PRICKLE2: variants seen among roughly 807,000 people sequenced by gnomAD.
PRICKLE2 encodes the protein prickle-like protein 2.
In PRICKLE2, 21 loss-of-function variants were observed where a neutral mutation model predicts 81.4. The ratio of observed to expected loss-of-function variants is 0.26; its 90% CI spans 0.18 to 0.37. The LOEUF is 0.37. Among genes scored for constraint, PRICKLE2 ranks in the 10% least tolerant of loss-of-function variants. The pLI is 1.00. For missense variants in PRICKLE2, 940 were observed against 1,109.0 expected, an observed-to-expected ratio of 0.85 and a Z score of 2.16; for synonymous variants, 456 against 421.5, an observed-to-expected ratio of 1.08 and a Z score of -1.00.
chr3:64,250,925 C>T (rs1465916949), intron 2 of PRICKLE2, among the ~76,000 whole-genome samples: 1 of 152,146 alleles, frequency 6.6e-6, no homozygotes, highest in Non-Finnish European at 1.5e-5. Flanking sequence ...TGTGGCCTTT[C>T]CTGACATTTT....
At chr3:64,139,596 C>A (rs563433056) in intron 7 of PRICKLE2, among the ~76,000 whole-genome samples, 1 of 152,306 alleles carries the variant, frequency 6.6e-6, no homozygotes, top group Admixed American at 6.5e-5. Context: ...GCCATCTTTT[C>A]AAAATGCAAA....
At chr3:64,171,527 A>G (rs2077931363) in intron 2 of PRICKLE2, among the ~76,000 whole-genome samples, 1 of 152,190 alleles carries the variant, frequency 6.6e-6, no homozygotes, top group Admixed American at 6.5e-5. Context: ...TTGTTTGTTG[A>G]CTTTCTCTTC....
intron 7 of PRICKLE2, among the ~76,000 whole-genome samples, chr3:64,139,838 G>C (rs1421906720): frequency 6.6e-6 from 1 of 152,152 alleles, no homozygotes; most frequent in African/African-American, 2.4e-5. Flanking sequence ...CTGCTGCCTA[G>C]AATGACCCTT....
At chr3:64,263,420 C>G (rs4688439) in intron 2 of PRICKLE2, among the ~76,000 whole-genome samples, 64,603 of 152,008 alleles carry the variant, frequency 0.42, 14,269 homozygotes, top group South Asian at 0.49. Context: ...GCCCCAAAGA[C>G]TAGGAGAAAT....
intron 1 of PRICKLE2, chr3:64,200,101 C>CAA (rs1255417141): frequency 6.6e-6 from 1 of 152,156 alleles, no homozygotes; most frequent in Non-Finnish European, 1.5e-5. Flanking sequence ...AAAGAAACCC[C>CAA]AGGAGCATTG....
chr3:64,189,301 G>A (rs2078291199), intron 2 of PRICKLE2, among the ~76,000 whole-genome samples: 1 of 152,164 alleles, frequency 6.6e-6, no homozygotes. Context: ...TGGAGGTGGG[G>A]AAAAGATGAA....
intron 2 of PRICKLE2, among the ~76,000 whole-genome samples, chr3:64,263,893 C>T (rs2079655192): frequency 6.6e-6 from 1 of 152,308 alleles, no homozygotes; most frequent in South Asian, 2.1e-4. Context: ...CCCATGTGGT[C>T]TCCCTCAATT....
chr3:64,251,810 A>T (rs1291050759), intron 2 of PRICKLE2, among the ~76,000 whole-genome samples: 1 of 152,270 alleles, frequency 6.6e-6, no homozygotes, highest in Admixed American at 6.5e-5. Context: ...ATATTTGGTG[A>T]CTTAAGCTAA....
intron 1 of PRICKLE2, among the ~76,000 whole-genome samples, chr3:64,205,113 A>AAAAC (rs1559578088): frequency 6.6e-6 from 1 of 151,678 alleles, no homozygotes; most frequent in African/African-American, 2.4e-5. Flanking sequence ...AAAAAAAAAA[A>AAAAC]AAACATACAA....
At chr3:64,221,459 G>GCACA (rs1287602757) in intron 1 of PRICKLE2, among the ~76,000 whole-genome samples, 36 of 120,892 alleles carry the variant, frequency 3.0e-4, no homozygotes, top group Admixed American at 1.2e-3. Context: ...ACACACACAC[G>GCACA]CACACACACA....
intron 2 of PRICKLE2, among the ~76,000 whole-genome samples, chr3:64,232,472 G>A (rs1184483039): frequency 6.9e-6 from 1 of 145,706 alleles, no homozygotes; most frequent in Non-Finnish European, 1.5e-5. Flanking sequence ...ATGGAGTTCA[G>A]CTCACTGAAA....
At chr3:64,171,362 T>C (rs1017441058) in intron 2 of PRICKLE2, among the ~76,000 whole-genome samples, 2 of 152,176 alleles carry the variant, frequency 1.3e-5, no homozygotes, top group African/African-American at 2.4e-5. Flanking sequence ...GCACATATAG[T>C]GGGTAGAGGC....
At chr3:64,178,907 C>G (rs62249941) in intron 2 of PRICKLE2, among the ~76,000 whole-genome samples, 17,379 of 152,116 alleles carry the variant, frequency 0.11, 1,199 homozygotes, top group East Asian at 0.22. Flanking sequence ...AGCACTATAA[C>G]TCATGCCCAA....
chr3:64,147,244 G>A lies in PRICKLE2; in HGVS notation c.1246C>T (p.Leu416=), dbSNP rs745511844. ...KMEQNQTQSP[L]QLLSQCNIRT... ...ATGTTGCACTGGCTGAGGAGCTGCAGAGGGCTCTGGGTCTGGTTCTGCTCC... is the reference window on the plus strand; with the variant it reads ...ATGTTGCACTGGCTGAGGAGCTGCAAAGGGCTCTGGGTCTGGTTCTGCTCC... Residue 416 remains leucine (L), a synonymous_variant, in exon 7 of 8, where the codon CTG becomes TTG. Transcript: ENST00000638394. This position sits in a 1 kb window ranked among gnomAD's most constrained non-coding sequence, Gnocchi z 5.0. The A allele has an allele frequency of 6.2e-7, 1 of 1,609,210 alleles. No homozygotes were observed. The highest frequency in any genetic ancestry group is 8.5e-7 in the Non-Finnish European group (1 of 1,176,812).
At chr3:64,238,097 G>A (rs144626691) in intron 2 of PRICKLE2, among the ~76,000 whole-genome samples, 2 of 152,200 alleles carry the variant, frequency 1.3e-5, no homozygotes, top group African/African-American at 2.4e-5. Flanking sequence ...ACCAAAGCAG[G>A]GTCCAAACTA....
intron 2 of PRICKLE2, among the ~76,000 whole-genome samples, chr3:64,251,141 C>A (rs1010517972): frequency 6.6e-6 from 1 of 152,166 alleles, no homozygotes. Context: ...TCAATCAATC[C>A]AACATGTGGT....
rs910560021 is a variant in PRICKLE2, at chr3:64,265,754, A to G, written c.129-66787T>C. On this transcript the variant is annotated intron_variant, in intron 2 of 8. Transcript: ENST00000295902. ...TGTCACCACCAAATTGGTGAGTGCTAGTTCAAACCTTTGCACCTCTCATTC... is the reference window on the plus strand; with the variant it reads ...TGTCACCACCAAATTGGTGAGTGCTGGTTCAAACCTTTGCACCTCTCATTC... Among the ~76,000 whole-genome samples the G allele has an allele frequency of 3.9e-5, 6 of 152,212 alleles. 1 individual carries two copies. Among genetic ancestry groups the G allele is most frequent in the Admixed American group, 1.3e-4 (2 of 15,278 alleles).
intron 2 of PRICKLE2, among the ~76,000 whole-genome samples, chr3:64,180,249 C>T (rs1347630123): frequency 2.0e-5 from 3 of 152,166 alleles, no homozygotes; most frequent in Admixed American, 6.5e-5. Context: ...ACCATGTGGT[C>T]CTTGAAGGGA....
intron 7 of PRICKLE2, among the ~76,000 whole-genome samples, chr3:64,144,341 G>A (rs1042854043): frequency 2.6e-5 from 4 of 152,290 alleles, no homozygotes; most frequent in African/African-American, 9.6e-5. Flanking sequence ...ACTCTGAAAT[G>A]AGAATCATAA....
Sources: allele counts gnomAD v4.1 joint callset (sites outside exome capture counted in the v4.1 genomes callset), GRCh38; gene constraint gnomAD v4.1.1; non-coding constraint Gnocchi (gnomAD v3.1); transcripts MANE v1.5; gene names NCBI Gene and HGNC (gene_info 2026-07-23, HGNC 2026-07-21).